Variants in BBOF1 observed in about 807,000 individuals in gnomAD.
BBOF1 encodes the protein basal body orientation factor 1.
Under a neutral mutation model 68.0 loss-of-function variants are expected in BBOF1, and 62 were observed. The ratio of observed to expected loss-of-function variants is 0.91; its 90% CI spans 0.74 to 1.13. The LOEUF (loss-of-function observed/expected upper bound fraction) is 1.13, where lower values mean the gene tolerates loss of function less well. Among genes scored for constraint, BBOF1 ranks in the 50% most tolerant of loss-of-function variants. The pLI is 0.00. For synonymous variants in BBOF1, 208 were observed against 198.8 expected, an observed-to-expected ratio of 1.05 and a Z score of -0.39; for missense variants, 534 against 600.1, an observed-to-expected ratio of 0.89 and a Z score of 1.15.
rs1431938416 is a variant in BBOF1, at chr14:74,019,491, G to A, written c.13G>A (p.Gly5Arg). The change falls in exon 1 of 12, where the codon GGA becomes AGA. Residue 5 changes from glycine to arginine, a missense_variant. Transcript: ENST00000394009. ...TGGGGAAGCCAAGATGCCGTCGAAG[G>A]GAAAGGACAAAAAGAAAGGCAAGAG... MPSK[G>R]KDKKKGKSKG... 6.2e-7 allele frequency: 1 copy of A among 1,605,916 alleles called. No homozygotes were observed.
intron 9 of BBOF1, chr14:74,071,461 A>G: frequency 6.2e-7 from 1 of 1,614,176 alleles, no homozygotes; most frequent in Non-Finnish European, 8.5e-7. Flanking sequence ...CTCTCCCATC[A>G]TGAGGGATGT....
At chr14:74,066,303 A>G (rs138588056), downstream of BBOF1, among the ~76,000 whole-genome samples, 28 of 152,274 alleles carry the variant, frequency 1.8e-4, no homozygotes, top group South Asian at 1.4e-3. Flanking sequence ...TGGTTTTTGC[A>G]TTTTTAAATG....
intron 10 of BBOF1, among the ~76,000 whole-genome samples, chr14:74,078,583 A>C (rs1215081665): frequency 6.6e-6 from 1 of 152,142 alleles, no homozygotes. Context: ...GCTGGAGTGC[A>C]GTGGTGCAAT....
chr14:74,035,584 A>ATTTTTTTTTTTT lies in BBOF1; in HGVS notation c.495+1430_495+1441dup, dbSNP rs71460945. 1.7e-4 allele frequency among the ~76,000 whole-genome samples: 14 copies of ATTTTTTTTTTTT among 81,390 alleles called. 1 individual carries two copies. The highest frequency in any genetic ancestry group is 8.9e-4 in the African/African-American group (14 of 15,656). The allele number at this position is 81,390 out of a possible 152,430, so 53.4% of individuals were successfully genotyped here. On this transcript the variant is annotated intron_variant, in intron 4 of 11. Transcript: ENST00000394009. ...AGGCGTGCACCACCACCCCCAGCTA[A>ATTTTTTTTTTTT]TTTTTTTTTTTTTTTTTTTTTTTTT...
At chr14:74,073,173 G>A (rs2060573460) in intron 9 of BBOF1, among the ~76,000 whole-genome samples, 1 of 151,876 alleles carries the variant, frequency 6.6e-6, no homozygotes, top group Non-Finnish European at 1.5e-5. Context: ...GTGTGATCAT[G>A]ACTCACTGCA....
chr14:74,031,919 T>G (rs1461758688), intron 3 of BBOF1: 1 of 152,148 alleles, frequency 6.6e-6, no homozygotes. Flanking sequence ...CATGTATGTA[T>G]CTTTTCACAT....
intron 5 of BBOF1, among the ~76,000 whole-genome samples, chr14:74,041,004 G>C (rs17095471): frequency 6.6e-6 from 1 of 152,090 alleles, no homozygotes; most frequent in Non-Finnish European, 1.5e-5. Flanking sequence ...TAGTCAAGCC[G>C]AGCTAAAGAT....
intron 4 of BBOF1, among the ~76,000 whole-genome samples, chr14:74,039,087 T>C (rs2059775107): frequency 6.6e-6 from 1 of 152,160 alleles, no homozygotes; most frequent in Admixed American, 6.6e-5. Flanking sequence ...AAAATAAAAA[T>C]GATCCATCCC....
chr14:74,063,273 G>A lies in BBOF1; in HGVS notation c.1579-1415G>A, dbSNP rs143049035. On this transcript the variant is annotated intron_variant, in intron 11 of 11. Transcript: ENST00000394009. ...GCAATCTCGGCTCACTGCAACTTCC[G>A]CCTCCCAGATTCAAAGGATTCTTCT... Among the ~76,000 whole-genome samples, 49 of 150,474 alleles carry A rather than the reference G, an allele frequency of 3.3e-4. 1 individual carries two copies. In the East Asian group the frequency reaches 8.9e-3, roughly 27 times the overall value.
At chr14:74,060,493 A>G in intron 11 of BBOF1, 1 of 704,424 alleles carries the variant, frequency 1.4e-6, no homozygotes, top group Non-Finnish European at 2.6e-6. Flanking sequence ...CCCTATAGAA[A>G]CTTTGCGGGG....
chr14:74,036,320 G>A (rs2059698767), intron 4 of BBOF1, among the ~76,000 whole-genome samples: 1 of 152,144 alleles, frequency 6.6e-6, no homozygotes, highest in Admixed American at 6.6e-5. Flanking sequence ...GCCTCCCAAA[G>A]TGCTGGGATT....
intron 4 of BBOF1, among the ~76,000 whole-genome samples, chr14:74,035,988 A>G (rs1029588050): frequency 1.3e-5 from 2 of 152,120 alleles, no homozygotes; most frequent in Non-Finnish European, 2.9e-5. Flanking sequence ...ACTTATAGAC[A>G]CATTTTAAAA....
At chr14:74,022,540 C>A (rs1296655688) in intron 1 of BBOF1, among the ~76,000 whole-genome samples, 1 of 151,680 alleles carries the variant, frequency 6.6e-6, no homozygotes, top group African/African-American at 2.4e-5. Flanking sequence ...CAGCCAGGCC[C>A]AGTTTCAAAA....
At chr14:74,066,714 C>T (rs780872973), downstream of BBOF1, 5 of 1,613,968 alleles carry the variant, frequency 3.1e-6, no homozygotes, top group South Asian at 3.3e-5. Context: ...CCTTGACATT[C>T]GAGATGATGG....
intron 1 of BBOF1, among the ~76,000 whole-genome samples, chr14:74,020,097 A>G (rs865854680): frequency 3.9e-5 from 6 of 152,224 alleles, no homozygotes; most frequent in African/African-American, 1.4e-4. Context: ...CAAAAGAAAA[A>G]ACAAAAATCA....
chr14:74,075,498 A>G (rs2060602679), intron 9 of BBOF1, among the ~76,000 whole-genome samples: 1 of 152,090 alleles, frequency 6.6e-6, no homozygotes, highest in Non-Finnish European at 1.5e-5. Flanking sequence ...TCTACAAAAA[A>G]TTAAAAAATT....
chr14:74,064,702 A>G lies in BBOF1; in HGVS notation c.*3A>G, dbSNP rs775095445. On this transcript the variant is annotated 3_prime_UTR_variant, in exon 12 of 12. Coordinates refer to ENST00000394009, the MANE Select transcript of BBOF1 (RefSeq NM_025057.3). The stretch of plus-strand genomic sequence containing the variant: ...ATCTTTTTTAGGGAACCTTCTGAGA[A>G]GCACTGATTATGACCTCACAGATGC... 3.7e-6 allele frequency: 6 copies of G among 1,614,018 alleles called. No homozygotes were observed. In the East Asian group the frequency reaches 8.9e-5, roughly 24 times the overall value.
chr14:74,080,871 T>G (rs2060662163), intron 10 of BBOF1, among the ~76,000 whole-genome samples: 1 of 152,246 alleles, frequency 6.6e-6, no homozygotes, highest in African/African-American at 2.4e-5. Context: ...GAATAAAGAC[T>G]AATCCCCTTG....
At chr14:74,052,934 AGGCTGCAGTGAGCCAT>A (rs142399602) in intron 8 of BBOF1, among the ~76,000 whole-genome samples, 140,760 of 147,870 alleles carry the variant, frequency 0.95, 67,038 homozygotes, top group East Asian at 0.99. Context: ...CAGGAGTTCG[AGGCTGCAGTGAGCCAT>A]GGCTGCAGTG....
Sources: gnomAD v4.1 joint callset for allele counts (sites outside exome capture counted in the v4.1 genomes callset) on GRCh38, gnomAD v4.1.1 for gene constraint, MANE v1.5 for transcripts, NCBI Gene and HGNC (gene_info 2026-07-23, HGNC 2026-07-21) for gene names.